C12orf42: variants seen among roughly 807,000 people sequenced by gnomAD.
C12orf42 encodes the protein uncharacterized protein C12orf42.
Under a neutral mutation model 21.6 loss-of-function variants are expected in C12orf42, and 25 were observed. That is an observed-to-expected ratio of 1.16 (90% CI 0.84 to 1.62). The LOEUF is 1.62. C12orf42 is among the 40% of genes most tolerant of loss of function. C12orf42 has a pLI of 0.00. For synonymous variants in C12orf42, 174 were observed against 175.0 expected, an observed-to-expected ratio of 0.99 and a Z score of 0.05; for missense variants, 483 against 459.3, an observed-to-expected ratio of 1.05 and a Z score of -0.47.
At chr12:103,266,956 CA>C (rs2035200457), downstream of C12orf42, among the ~76,000 whole-genome samples, 3 of 152,022 alleles carry the variant, frequency 2.0e-5, no homozygotes, top group African/African-American at 4.8e-5. Flanking sequence ...AACTTGACAA[CA>C]AAAAAACTTT....
At chr12:103,183,991 G>A in the C12orf42 span, among the ~76,000 whole-genome samples, 1 of 152,156 alleles carries the variant, frequency 6.6e-6, no homozygotes. Flanking sequence ...GATATGTTCT[G>A]TCTTGGTTGG....
At chr12:103,455,088 A>C (rs1952198234) in intron 2 of C12orf42, among the ~76,000 whole-genome samples, 1 of 152,190 alleles carries the variant, frequency 6.6e-6, no homozygotes, top group South Asian at 2.1e-4. Flanking sequence ...ATACCTGATA[A>C]CATGTAAGTC....
the C12orf42 span, among the ~76,000 whole-genome samples, chr12:103,085,071 A>T: frequency 6.6e-6 from 1 of 152,196 alleles, no homozygotes; most frequent in Non-Finnish European, 1.5e-5. Context: ...GCAGCCTCAG[A>T]ACATTTAAAT....
the C12orf42 span, among the ~76,000 whole-genome samples, chr12:103,223,086 C>T: frequency 6.6e-6 from 1 of 152,182 alleles, no homozygotes; most frequent in South Asian, 2.1e-4. Context: ...TACTCTTCCT[C>T]AACAACATAT....
At chr12:103,091,804 T>C in the C12orf42 span, among the ~76,000 whole-genome samples, 2 of 152,226 alleles carry the variant, frequency 1.3e-5, no homozygotes, top group Non-Finnish European at 2.9e-5. Context: ...TTTTCCAAGA[T>C]TGAAACAACA....
At chr12:103,397,994 T>A (rs2047676588) in intron 3 of C12orf42, among the ~76,000 whole-genome samples, 1 of 152,216 alleles carries the variant, frequency 6.6e-6, no homozygotes. Flanking sequence ...TTGATCATTA[T>A]ACAGTCAGTG....
intron 3 of C12orf42, among the ~76,000 whole-genome samples, chr12:103,383,135 T>A (rs1359945596): frequency 6.7e-6 from 1 of 148,916 alleles, no homozygotes; most frequent in Non-Finnish European, 1.5e-5. Flanking sequence ...TTTTTTTTTT[T>A]CTTTTTTTGA....
chr12:103,563,090 T>C, the C12orf42 span, among the ~76,000 whole-genome samples: 11 of 152,224 alleles, frequency 7.2e-5, no homozygotes, highest in African/African-American at 1.9e-4. Context: ...CCCTGGCTTC[T>C]AGTGTACCAA....
chr12:103,236,771 G>A (rs1208184450), downstream of C12orf42, among the ~76,000 whole-genome samples: 4 of 152,034 alleles, frequency 2.6e-5, no homozygotes, highest in Non-Finnish European at 5.9e-5. Context: ...TTTGTGTGAG[G>A]ACTTCTTTTA....
chr12:103,465,003 G>A (rs1453581781), intron 2 of C12orf42, among the ~76,000 whole-genome samples: 1 of 152,160 alleles, frequency 6.6e-6, no homozygotes, highest in African/African-American at 2.4e-5. Flanking sequence ...GTAGCATGAT[G>A]CTTCCAGCTT....
intron 4 of C12orf42, among the ~76,000 whole-genome samples, chr12:103,356,116 C>T (rs530258614): frequency 1.3e-5 from 2 of 152,174 alleles, no homozygotes; most frequent in Non-Finnish European, 2.9e-5. Context: ...AACCACAATG[C>T]CTCCTGTTAG....
At chr12:103,109,442 C>T in the C12orf42 span, among the ~76,000 whole-genome samples, 5 of 151,992 alleles carry the variant, frequency 3.3e-5, no homozygotes, top group East Asian at 1.9e-4. Flanking sequence ...GAGTGAGAGG[C>T]GGTGGTGTAC....
At chr12:103,497,488 G>A (rs1391595525), upstream of C12orf42, among the ~76,000 whole-genome samples, 1 of 152,200 alleles carries the variant, frequency 6.6e-6, no homozygotes, top group Non-Finnish European at 1.5e-5. Flanking sequence ...TACTGCTAGT[G>A]GCTATGGATA....
intron 3 of C12orf42, among the ~76,000 whole-genome samples, chr12:103,379,214 C>T (rs1186025124): frequency 6.6e-6 from 1 of 152,186 alleles, no homozygotes. Context: ...TAATTATCCA[C>T]CCCAATGGGA....
intron 2 of C12orf42, among the ~76,000 whole-genome samples, chr12:103,461,305 G>A (rs1342634813): frequency 1.3e-5 from 2 of 152,120 alleles, no homozygotes. Context: ...TTTTGAAGAT[G>A]ACAAATAGCT....
At chr12:103,207,614 G>A in the C12orf42 span, among the ~76,000 whole-genome samples, 1 of 152,236 alleles carries the variant, frequency 6.6e-6, no homozygotes, top group African/African-American at 2.4e-5. Flanking sequence ...GCTGGAAAAC[G>A]ACTCTGCTTT....
chr12:103,407,719 C>T (rs933050465), intron 2 of C12orf42, among the ~76,000 whole-genome samples: 6 of 152,160 alleles, frequency 3.9e-5, no homozygotes, highest in African/African-American at 1.2e-4. Flanking sequence ...AGGGCAACCG[C>T]ACCCCAACCT....
At chr12:103,361,316 G>A (rs2137699783) in intron 4 of C12orf42, among the ~76,000 whole-genome samples, 1 of 152,206 alleles carries the variant, frequency 6.6e-6, no homozygotes, top group East Asian at 1.9e-4. Context: ...CTGGAGCTGA[G>A]TCAATTTAGA....
chr12:103,359,185 CT>C (rs950683387), intron 4 of C12orf42, among the ~76,000 whole-genome samples: 44 of 151,470 alleles, frequency 2.9e-4, no homozygotes, highest in African/African-American at 8.2e-4. Flanking sequence ...ATTCAATAAT[CT>C]TTTTTTTTAT....
Sources: allele counts gnomAD v4.1 joint callset (sites outside exome capture counted in the v4.1 genomes callset), GRCh38; gene constraint gnomAD v4.1.1; transcripts MANE v1.5; gene names NCBI Gene and HGNC (gene_info 2026-07-23, HGNC 2026-07-21).